NRG3: variants seen among roughly 807,000 people sequenced by gnomAD.
NRG3 encodes the protein pro-neuregulin-3, membrane-bound isoform.
Under a neutral mutation model 66.9 loss-of-function variants are expected in NRG3, and 31 were observed. The observed-to-expected ratio is 0.46, with a 90% CI of 0.35 to 0.63. The LOEUF (loss-of-function observed/expected upper bound fraction) is 0.63. Ranked by LOEUF, NRG3 falls within the 20% of genes least tolerant of loss-of-function variation. NRG3 has a pLI of 0.00. For missense variants in NRG3, 910 were observed against 878.9 expected (o/e 1.04, Z -0.45); for synonymous variants, 393 against 359.4 (o/e 1.09, Z -1.06).
intron 3 of NRG3, among the ~76,000 whole-genome samples, chr10:82,782,780 C>A (rs965850301): frequency 3.9e-5 from 6 of 152,134 alleles, no homozygotes; most frequent in Non-Finnish European, 7.4e-5. Context: ...ACCAGAGGTA[C>A]AAGGAGGAAC....
At chr10:81,988,015 T>C (rs7902651) in intron 1 of NRG3, among the ~76,000 whole-genome samples, 49,587 of 152,050 alleles carry the variant, frequency 0.33, 9,624 homozygotes, top group East Asian at 0.77. Context: ...AGAATAATCT[T>C]GTATAGTAAG....
At chr10:82,320,382 C>T (rs913298036) in intron 1 of NRG3, among the ~76,000 whole-genome samples, 3 of 151,938 alleles carry the variant, frequency 2.0e-5, no homozygotes, top group African/African-American at 2.4e-5. Context: ...AGAAGAAAAG[C>T]GAGACAGAGA....
intron 1 of NRG3, among the ~76,000 whole-genome samples, chr10:81,939,703 TA>T (rs56890949): frequency 0.3 from 43,868 of 145,726 alleles, 9,787 homozygotes; most frequent in African/African-American, 0.63. Context: ...TTGATCTTAT[TA>T]AAAAAAAAAA....
intron 1 of NRG3, among the ~76,000 whole-genome samples, chr10:81,878,631 C>T (rs1171077818): frequency 6.6e-6 from 1 of 152,026 alleles, no homozygotes; most frequent in Non-Finnish European, 1.5e-5. Context: ...CGTAAAGTTC[C>T]CAGGAGAGAA....
chr10:82,554,363 C>T (rs929914303), intron 2 of NRG3, among the ~76,000 whole-genome samples: 1 of 152,096 alleles, frequency 6.6e-6, no homozygotes, highest in Admixed American at 6.6e-5. Flanking sequence ...ACAGCATATA[C>T]CTGTATCAAA....
intron 1 of NRG3, among the ~76,000 whole-genome samples, chr10:82,328,110 T>C (rs2081963608): frequency 6.6e-6 from 1 of 152,198 alleles, no homozygotes; most frequent in Admixed American, 6.5e-5. Context: ...TAACATAGTA[T>C]GAGGAATAGG....
intron 4 of NRG3, among the ~76,000 whole-genome samples, chr10:82,886,704 G>T (rs1842747042): frequency 6.6e-6 from 1 of 152,120 alleles, no homozygotes; most frequent in African/African-American, 2.4e-5. Flanking sequence ...GAGAACTGAG[G>T]CTGAGATGCT....
chr10:82,459,914 T>A (rs183782630), intron 2 of NRG3, among the ~76,000 whole-genome samples: 1 of 152,206 alleles, frequency 6.6e-6, no homozygotes, highest in Non-Finnish European at 1.5e-5. Flanking sequence ...GTCAGGAGTA[T>A]GATACGGAAT....
chr10:81,891,569 A>C (rs1589367320), intron 1 of NRG3, among the ~76,000 whole-genome samples: 1 of 152,156 alleles, frequency 6.6e-6, no homozygotes. Context: ...GAGAGGCTGG[A>C]GGGTCTTGTC....
At chr10:82,748,681 T>C (rs776117331) in intron 3 of NRG3, among the ~76,000 whole-genome samples, 5 of 150,402 alleles carry the variant, frequency 3.3e-5, no homozygotes, top group Non-Finnish European at 7.4e-5. Context: ...TTTTTGATGA[T>C]TACTGCCAGG....
At chr10:82,683,943 T>A (rs1457423139) in intron 2 of NRG3, among the ~76,000 whole-genome samples, 1 of 152,128 alleles carries the variant, frequency 6.6e-6, no homozygotes, top group African/African-American at 2.4e-5. Context: ...AGCCCTGAGG[T>A]GCTATTTGCC....
intron 2 of NRG3, among the ~76,000 whole-genome samples, chr10:82,688,260 A>G (rs1356310804): frequency 2.0e-5 from 3 of 152,232 alleles, no homozygotes; most frequent in Non-Finnish European, 4.4e-5. Context: ...ATGTACTTAC[A>G]TGTCTAATCT....
chr10:82,319,060 C>G (rs373564585), intron 1 of NRG3, among the ~76,000 whole-genome samples: 8 of 152,304 alleles, frequency 5.3e-5, no homozygotes, highest in African/African-American at 1.9e-4. Flanking sequence ...CAAAAACCCA[C>G]CAAATATTGT....
intron 1 of NRG3, among the ~76,000 whole-genome samples, chr10:82,223,342 A>G (rs2076024601): frequency 6.6e-6 from 1 of 152,146 alleles, no homozygotes; most frequent in African/African-American, 2.4e-5. Flanking sequence ...TTTCTCAAAA[A>G]AACATATCAC....
intron 4 of NRG3, among the ~76,000 whole-genome samples, chr10:82,948,688 T>C (rs1849250775): frequency 1.3e-5 from 2 of 152,112 alleles, no homozygotes; most frequent in African/African-American, 4.8e-5. Context: ...GTAAATGACA[T>C]TTTTGTTTCA....
chr10:82,097,964 A>T (rs2066459620), intron 1 of NRG3, among the ~76,000 whole-genome samples: 1 of 151,610 alleles, frequency 6.6e-6, no homozygotes, highest in Non-Finnish European at 1.5e-5. Flanking sequence ...TTATCATTTC[A>T]TTTTGAAAGT....
At chr10:82,387,281 T>A (rs1258688751) in intron 2 of NRG3, among the ~76,000 whole-genome samples, 1 of 152,084 alleles carries the variant, frequency 6.6e-6, no homozygotes, top group Non-Finnish European at 1.5e-5. Context: ...ACTCAAAATA[T>A]ATATGCTTTT....
intron 1 of NRG3, among the ~76,000 whole-genome samples, chr10:82,029,139 G>A (rs894249385): frequency 2.8e-4 from 43 of 152,074 alleles, no homozygotes; most frequent in Non-Finnish European, 4.4e-5. Flanking sequence ...AACCTGGGAG[G>A]TGGAGGTTGC....
chr10:82,579,719 C>T (rs1323663004), intron 2 of NRG3, among the ~76,000 whole-genome samples: 3 of 151,904 alleles, frequency 2.0e-5, no homozygotes, highest in East Asian at 1.9e-4. Context: ...TCTCATTTCA[C>T]CAGGTGTAGG....
Sources: allele counts gnomAD v4.1 joint callset (sites outside exome capture counted in the v4.1 genomes callset), GRCh38; gene constraint gnomAD v4.1.1; transcripts MANE v1.5; gene names NCBI Gene and HGNC (gene_info 2026-07-23, HGNC 2026-07-21).